Variants in TNFRSF19 observed in about 807,000 individuals in gnomAD.
TNFRSF19 encodes tumor necrosis factor receptor superfamily member 19.
A neutral mutation model predicts 46.4 loss-of-function variants in TNFRSF19; 27 were observed. The ratio of observed to expected loss-of-function variants is 0.58; its 90% confidence interval spans 0.43 to 0.80. The LOEUF (loss-of-function observed/expected upper bound fraction) is 0.80, where lower values mean the gene tolerates loss of function less well. Ranked by LOEUF, TNFRSF19 falls within the 30% of genes least tolerant of loss-of-function variation. The probability of loss-of-function intolerance (pLI) is 0.00; values close to 1 mark genes in which losing one functional copy is unlikely to be tolerated. For missense variants in TNFRSF19, 511 were observed against 530.8 expected, an observed-to-expected ratio of 0.96 and a Z score of 0.37; for synonymous variants, 204 against 205.0, an observed-to-expected ratio of 1.00 and a Z score of 0.04.
At chr13:23,600,904 A>G (rs1880111408) in intron 3 of TNFRSF19, among the ~76,000 whole-genome samples, 1 of 152,246 alleles carries the variant, frequency 6.6e-6, no homozygotes. Flanking sequence ...TGTACAAAGC[A>G]TACTAAAAGG....
intron 1 of TNFRSF19, among the ~76,000 whole-genome samples, chr13:23,588,401 G>A (rs933127835): frequency 2.6e-5 from 4 of 152,204 alleles, no homozygotes; most frequent in African/African-American, 9.7e-5. Flanking sequence ...TGGATGTGTA[G>A]CATCAAAGTG....
chr13:23,655,799 C>T (rs1187433772), intron 5 of TNFRSF19, among the ~76,000 whole-genome samples: 2 of 149,094 alleles, frequency 1.3e-5, no homozygotes, highest in East Asian at 3.9e-4. Flanking sequence ...TTTTGCTGCT[C>T]AAGTCATAAA....
chr13:23,668,149 C>T, intron 8 of TNFRSF19, 67 bp downstream of exon 8: 5 of 1,303,374 alleles, frequency 3.8e-6, no homozygotes, highest in South Asian at 1.4e-5. Flanking sequence ...ACTAATTTAC[C>T]GATTTTCATC....
chr13:23,653,040 C>T (rs1278458849), intron 5 of TNFRSF19, among the ~76,000 whole-genome samples: 1 of 152,210 alleles, frequency 6.6e-6, no homozygotes, highest in African/African-American at 2.4e-5. Context: ...TTTAGCAGTT[C>T]AGCCTGGGAA....
intron 3 of TNFRSF19, among the ~76,000 whole-genome samples, chr13:23,597,911 G>A (rs1879856737): frequency 1.3e-5 from 2 of 152,148 alleles, no homozygotes; most frequent in Non-Finnish European, 2.9e-5. Context: ...AATCAAGTCG[G>A]CTTCATCCCT....
chr13:23,648,646 T>A (rs887632403), intron 5 of TNFRSF19, among the ~76,000 whole-genome samples: 1 of 152,200 alleles, frequency 6.6e-6, no homozygotes, highest in Non-Finnish European at 1.5e-5. Flanking sequence ...TAAAAGTGGG[T>A]ATCCTTGTCT....
At chr13:23,667,937 CAGA>C in intron 7 of TNFRSF19, 40 bp from the exon 8 acceptor site, 1 of 1,494,800 alleles carries the variant, frequency 6.7e-7, no homozygotes, top group Non-Finnish European at 9.0e-7. Context: ...TGAAAGCTGC[CAGA>C]AGGAGGCACT....
intron 4 of TNFRSF19, among the ~76,000 whole-genome samples, chr13:23,622,017 T>A (rs1044869983): frequency 6.6e-6 from 1 of 151,950 alleles, no homozygotes; most frequent in Admixed American, 6.6e-5. Context: ...CAGAGCTAGG[T>A]CTGAGCATCA....
In TNFRSF19 at chr13:23,626,718, A is replaced by C. The variant is rs1017456976; in HGVS notation, c.371A>C (p.Lys124Thr). The C allele has an allele frequency of 8.8e-5, 142 of 1,614,068 alleles. No individual in the cohort carries two copies. Among genetic ancestry groups the C allele is most frequent in the Non-Finnish European group, 1.2e-4 (140 of 1,180,016 alleles). The change falls in exon 5 of 10, where the codon AAG becomes ACG. Residue 124 changes from lysine to threonine, a missense_variant. By Grantham distance (78) the Lys-to-Thr change is moderately conservative. This residue lies in a region of TNFRSF19 where 14 missense variants were observed against 34.1 expected (regional missense o/e 0.41). Transcript: ENST00000248484. ...CGDCLPGFYR[K>T]TKLVGFQDME... ...CCTTTCTCTTCTAGATTTTATAGGA[A>C]GACGAAACTTGTCGGCTTTCAAGAC...
chr13:23,618,750 T>G (rs1458095842), intron 4 of TNFRSF19, among the ~76,000 whole-genome samples: 2 of 152,194 alleles, frequency 1.3e-5, no homozygotes. Flanking sequence ...GCCAAAAAAC[T>G]GAAACAACCA....
In TNFRSF19 at chr13:23,629,645, C is replaced by A. The variant is rs574759795; in HGVS notation, c.445+2853C>A. ...GCTGCGCTTTGTACTGATGGTGTAA[C>A]CTTGGGCAAATAGTCTCCCCTCTTT... is the stretch of plus-strand genomic sequence containing the variant. On this transcript the variant is annotated intron_variant, in intron 5 of 9. Coordinates refer to ENST00000248484, the MANE Select transcript of TNFRSF19 (RefSeq NM_148957.4). Among the ~76,000 whole-genome samples the A allele has an allele frequency of 6.6e-5, 10 of 152,302 alleles. No homozygotes were observed. The East Asian group carries it at 1.7e-3, about 26-fold the overall frequency.
In TNFRSF19 at chr13:23,669,094, C is replaced by T. The variant is rs1406669511; in HGVS notation, c.1242C>T (p.Leu414=). 9.3e-6 allele frequency: 15 copies of T among 1,613,604 alleles called. No homozygotes were observed. Among genetic ancestry groups the T allele is most frequent in the Non-Finnish European group, 1.3e-5 (15 of 1,179,846 alleles). Residue 414 remains leucine, a synonymous_variant, in exon 9 of 10, where the codon CTC becomes CTT. Transcript: ENST00000248484. ...TCCACCCAGCCACTCAGACGTCCCT[C>T]CAGGTAAGGCAGCGACTGGGTTCCC... ...AVIHPATQTS[L]QEA
intron 3 of TNFRSF19, among the ~76,000 whole-genome samples, chr13:23,595,545 A>C (rs1392372702): frequency 4.6e-5 from 7 of 152,240 alleles, no homozygotes; most frequent in Non-Finnish European, 2.9e-5. Flanking sequence ...TAAAGCGTGA[A>C]GACAAGATTA....
chr13:23,670,565 A>G (rs887345488), intron 9 of TNFRSF19, among the ~76,000 whole-genome samples: 2 of 152,246 alleles, frequency 1.3e-5, no homozygotes, highest in Non-Finnish European at 2.9e-5. Context: ...TGAGCCATCC[A>G]TAATTTGTAA....
At chr13:23,609,190 T>C (rs956852119) in intron 3 of TNFRSF19, among the ~76,000 whole-genome samples, 7 of 152,234 alleles carry the variant, frequency 4.6e-5, no homozygotes, top group Middle Eastern at 3.4e-3. Flanking sequence ...TTACCCTATC[T>C]CTCCTCCACT....
intron 7 of TNFRSF19, among the ~76,000 whole-genome samples, chr13:23,663,896 C>T (rs1357335833): frequency 1.3e-5 from 2 of 151,956 alleles, no homozygotes; most frequent in Non-Finnish European, 2.9e-5. Context: ...TGGATATTCT[C>T]TCTTATTAGT....
chr13:23,613,914 T>C (rs900254297), intron 3 of TNFRSF19, among the ~76,000 whole-genome samples: 1 of 152,202 alleles, frequency 6.6e-6, no homozygotes, highest in African/African-American at 2.4e-5. Context: ...TATGCATCTT[T>C]ATTGTTTTCC....
In TNFRSF19 at chr13:23,673,522, C is replaced by A. The variant is rs1223300330; in HGVS notation, c.*142C>A. The A allele has an allele frequency of 7.5e-7, 1 of 1,330,734 alleles. No individual in the cohort carries two copies. Among genetic ancestry groups the A allele is most frequent in the South Asian group, 2.5e-5 (1 of 39,816 alleles). The allele number at this position is 1,330,734 out of a possible 1,614,324, so 82.4% of individuals were successfully genotyped here. A position where few individuals can be genotyped will look rare whatever the true frequency, so the allele number is the denominator to read the frequency against. On this transcript the variant is annotated 3_prime_UTR_variant, in exon 10 of 10. Coordinates refer to ENST00000248484, the MANE Select transcript of TNFRSF19 (RefSeq NM_148957.4). ...TGAACCAAACTGACGGCATTTGAAG[C>A]CTTTCAGCCAGTTGCTTCTGAGCCA... is the stretch of plus-strand genomic sequence containing the variant.
intron 7 of TNFRSF19, 113 bp from the exon 8 acceptor site, chr13:23,667,866 CA>C: frequency 1.2e-6 from 1 of 867,012 alleles, no homozygotes. Context: ...CCTTTTCCCC[CA>C]AAAGTCACCC....
Sources: gnomAD v4.1 joint callset for allele counts (sites outside exome capture counted in the v4.1 genomes callset) on GRCh38, gnomAD v4.1.1 for gene constraint, gnomAD v4.1.1 regional missense constraint, MANE v1.5 for transcripts, NCBI Gene and HGNC (gene_info 2026-07-23, HGNC 2026-07-21) for gene names.